Variants in TMC8 observed in about 807,000 individuals in gnomAD.
TMC8 encodes the protein transmembrane channel-like protein 8.
TMC8 carries 71 observed loss-of-function variants against 76.0 expected under a neutral mutation model. The observed-to-expected ratio is 0.93, with a 90% CI of 0.77 to 1.14. The LOEUF (loss-of-function observed/expected upper bound fraction) is 1.14, where lower values mean the gene tolerates loss of function less well. Among genes scored for constraint, TMC8 ranks in the 50% most tolerant of loss-of-function variants. The probability of loss-of-function intolerance (pLI) is 0.00; values close to 1 mark genes in which losing one functional copy is unlikely to be tolerated. For missense variants in TMC8, 924 were observed against 947.9 expected, an observed-to-expected ratio of 0.97 and a Z score of 0.33; for synonymous variants, 433 against 433.8, an observed-to-expected ratio of 1.00 and a Z score of 0.02.
At chr17:78,132,929 C>G in intron 5 of TMC8, 59 bp downstream of exon 5, 1 of 1,578,562 alleles carries the variant, frequency 6.3e-7, no homozygotes, top group Non-Finnish European at 8.7e-7. Flanking sequence ...GAACTGGCTT[C>G]AGGGGACACA....
Position 78,131,965 on chromosome 17 carries a change from G to A in TMC8, c.233G>A (p.Arg78Gln), listed in dbSNP as rs955978383. The change falls in exon 3 of 16, where the codon CGG (arginine) becomes CAG (glutamine). Residue 78 changes from arginine (R) to glutamine (Q), a missense_variant. Physicochemically the swap from Arg to Gln is conservative, Grantham distance 43. Transcript: ENST00000318430. The part of the protein sequence containing the change: ...RRRQTVERRL[R>Q]EAAQRLARGL... ...CGGCAGACGGTGGAAAGGCGCCTGC[G>A]GGAGGCAGCGCAGCGGCTGGCCCGG... The A allele has an allele frequency of 2.0e-6, 3 of 1,520,814 alleles. No homozygotes were observed. Among genetic ancestry groups the A allele is most frequent in the African/African-American group, 2.8e-5 (2 of 71,834 alleles). 94.2% of individuals were successfully genotyped at this position (1,520,814 alleles called of 1,614,324 possible).
chr17:78,140,474 G>A (rs1430293271), intron 15 of TMC8, among the ~76,000 whole-genome samples: 1 of 150,872 alleles, frequency 6.6e-6, no homozygotes, highest in Non-Finnish European at 1.5e-5. Context: ...GACTCTTAGC[G>A]GGCGTGGTCT....
In TMC8 at chr17:78,137,869, G is replaced by A. The variant is rs1197949486; in HGVS notation, c.1349+55G>A. ...GCGGGGGTGCCGCGAGCATGTTGGG[G>A]GTGGCCAGTGGCTACAGCCAAGGGT... On this transcript the variant is annotated intron_variant, in intron 11 of 15. Transcript: ENST00000318430. 2.5e-6 allele frequency: 4 copies of A among 1,600,332 alleles called. No homozygotes were observed. The East Asian group carries it at 8.9e-5, about 36-fold the overall frequency.
In TMC8 at chr17:78,135,947, G is replaced by A. The variant is rs143864607; in HGVS notation, c.1127+938G>A. On this transcript the variant is annotated intron_variant, in intron 9 of 15. Transcript: ENST00000318430. ...TGCACACCTGTAATCCCAGCTACCC[G>A]GGAAGCTGAGGCAGGAGAATCACTC... Among the ~76,000 whole-genome samples the A allele has an allele frequency of 9.9e-5, 15 of 152,206 alleles. No individual in the cohort carries two copies. In the East Asian group the frequency reaches 1.9e-3, roughly 20 times the overall value.
chr17:78,136,888 C>A (rs2075246815), intron 9 of TMC8: 1 of 349,074 alleles, frequency 2.9e-6, no homozygotes, highest in Non-Finnish European at 5.6e-6. Flanking sequence ...ATGGCGAAAC[C>A]CTGTCTGTAC....
intron 9 of TMC8, among the ~76,000 whole-genome samples, chr17:78,135,700 A>G (rs2075208041): frequency 6.6e-6 from 1 of 152,038 alleles, no homozygotes; most frequent in Admixed American, 6.6e-5. Flanking sequence ...CTCAGTCACC[A>G]CTTGCCCTAA....
At position 78,132,416 on chromosome 17, in the gene TMC8, T is replaced by C; in HGVS notation, c.356T>C (p.Leu119Pro). The C allele has an allele frequency of 6.2e-7, 1 of 1,612,968 alleles. No homozygotes were observed. Among genetic ancestry groups the C allele is most frequent in the Non-Finnish European group, 8.5e-7 (1 of 1,179,698 alleles). ...YFTFLRFLLL[L>P]NLLSLLLTAS... ...ACCTTCCTCCGCTTCCTGCTGCTAC[T>C]CAACCTGCTGAGCCTGCTGCTCACC... Residue 119 changes from leucine to proline, a missense_variant, in exon 4 of 16, where the codon CTC (leucine) becomes CCC (proline). Transcript: ENST00000318430.
At position 78,133,496 on chromosome 17, in the gene TMC8, A is replaced by G. The variant is rs1158371368; in HGVS notation, c.622A>G (p.Ser208Gly). The change falls in exon 6 of 16, where the codon AGC becomes GGC. Residue 208 changes from serine to glycine, a missense_variant. Transcript: ENST00000318430. ...VYSIRLAYLL[S>G]PLACLLLCFC... ...CAGCATCCGCCTGGCCTACCTCCTC[A>G]GCCCGCTGGCCTGCCTGCTCCTCTG... 1 of 1,613,562 alleles carries G rather than the reference A, an allele frequency of 6.2e-7. No homozygotes were observed.
rs746193490 is a variant in TMC8, at chr17:78,141,016, C to A, written c.2085C>A (p.Val695=). 5.2e-5 allele frequency: 83 copies of A among 1,599,372 alleles called. No homozygotes were observed. The highest frequency in any genetic ancestry group is 6.5e-5 in the Non-Finnish European group (76 of 1,174,344). The change falls in exon 16 of 16, where the codon GTC becomes GTA. Residue 695 remains valine (V), a synonymous_variant. Coordinates refer to ENST00000318430, the MANE Select transcript of TMC8 (RefSeq NM_152468.5). The part of the protein sequence containing the change: ...GHQAPRPGPS[V]VDAAGLRSPC... ...AGGCCCCGCGGCCGGGCCCCTCCGTCGTGGATGCCGCGGGACTGCGTTCCC... is the reference window on the plus strand; with the variant it reads ...AGGCCCCGCGGCCGGGCCCCTCCGTAGTGGATGCCGCGGGACTGCGTTCCC...
At chr17:78,132,531 G>A (rs572214532) in intron 4 of TMC8, 23 bp downstream of exon 4, 2 of 1,601,416 alleles carry the variant, frequency 1.2e-6, no homozygotes, top group Non-Finnish European at 1.7e-6. Context: ...CCCACCAGGG[G>A]AAGTGCTCCG....
In TMC8 at chr17:78,141,146, G is replaced by GC; in HGVS notation, c.*38dup. 4 of 1,507,412 alleles carry GC rather than the reference G, an allele frequency of 2.7e-6. No homozygotes were observed. The highest frequency in any genetic ancestry group is 3.5e-6 in the Non-Finnish European group (4 of 1,135,816). The allele number at this position is 1,507,412 out of a possible 1,614,324, so 93.4% of individuals were successfully genotyped here. ...CCTGCCTCCCCGAAGCCTCCCTGGG[G>GC]CCCCTTCAGGCCTCCTTACTCCATC... On this transcript the variant is annotated 3_prime_UTR_variant, in exon 16 of 16. Coordinates refer to ENST00000318430, the MANE Select transcript of TMC8 (RefSeq NM_152468.5).
At chr17:78,139,064 A>G in intron 14 of TMC8, 98 bp from the exon 15 acceptor site, 3 of 1,579,126 alleles carry the variant, frequency 1.9e-6, no homozygotes, top group Non-Finnish European at 2.6e-6. Flanking sequence ...AGACCCCAGT[A>G]CCGCGTATTG....
Position 78,137,334 on chromosome 17 carries a change from C to T in TMC8, c.1227C>T (p.Tyr409=), listed in dbSNP as rs139428432. The change falls in exon 10 of 16, where the codon TAC becomes TAT. Residue 409 remains tyrosine (Y), a synonymous_variant. Coordinates refer to ENST00000318430, the MANE Select transcript of TMC8 (RefSeq NM_152468.5). ...IGRDKSSCES[Y]GYNVCDYQCW... is the part of the protein sequence containing the mutation. ...GAGACAAGAGCAGCTGTGAGTCCTA[C>T]GGCTACAACGTTTGTGACTATCAGG... 6.8e-6 allele frequency: 11 copies of T among 1,613,890 alleles called. No homozygotes were observed. Among genetic ancestry groups the T allele is most frequent in the African/African-American group, 4.0e-5 (3 of 74,932 alleles).
Position 78,141,291 on chromosome 17 carries a change from A to G in TMC8, c.*179A>G, listed in dbSNP as rs1325738712. 4.9e-6 allele frequency: 2 copies of G among 412,264 alleles called. No homozygotes were observed. Among genetic ancestry groups the G allele is most frequent in the Admixed American group, 4.3e-5 (1 of 23,486 alleles). The allele number at this position is 412,264 out of a possible 1,614,324, so 25.5% of individuals were successfully genotyped here. A position where few individuals can be genotyped will look rare whatever the true frequency, so the allele number is the denominator to read the frequency against. Reference sequence around the variant, plus strand: ...AAAAACATATGGGAATTTTCTTTCTATATTTTAATCTCATCCCTTTAAAAT... The same window carrying G: ...AAAAACATATGGGAATTTTCTTTCTGTATTTTAATCTCATCCCTTTAAAAT... On this transcript the variant is annotated 3_prime_UTR_variant, in exon 16 of 16. Transcript: ENST00000318430.
chr17:78,131,358 A>G lies in TMC8; in HGVS notation c.-231A>G. 1 of 617,806 alleles carries G rather than the reference A, an allele frequency of 1.6e-6. No homozygotes were observed. The highest frequency in any genetic ancestry group is 1.9e-5 in the South Asian group (1 of 51,586). The allele number at this position is 617,806 out of a possible 1,614,324, so 38.3% of individuals were successfully genotyped here. ...TGGGCCCGAATTCGACCGCAGCAGG[A>G]TTCTCTCTCATTTCTGAGCCCCGGA... On this transcript the variant is annotated 5_prime_UTR_variant, in exon 2 of 16. Transcript: ENST00000318430.
Position 78,138,383 on chromosome 17 carries a change from G to C in TMC8, c.1568G>C (p.Arg523Pro), listed in dbSNP as rs756911102. 3 of 1,611,596 alleles carry C rather than the reference G, an allele frequency of 1.9e-6. No individual in the cohort carries two copies. Among genetic ancestry groups the C allele is most frequent in the East Asian group, 4.5e-5 (2 of 44,906 alleles). The change falls in exon 13 of 16, where the codon CGG becomes CCG. Residue 523 changes from arginine (R) to proline (P), a missense_variant. By Grantham distance (103) the Arg-to-Pro change is moderately radical. Transcript: ENST00000318430. ...CTGAAGAACTCCAGGGCATCTTCGC[G>C]GCCCTTCCGTGCCTCCAGCTCCACC... is the stretch of plus-strand genomic sequence containing the variant. ...TLLKNSRASS[R>P]PFRASSSTFF...
At position 78,138,555 on chromosome 17, in the gene TMC8, C is replaced by A. The variant is rs199867961; in HGVS notation, c.1665-19C>A. 4 of 1,613,776 alleles carry A rather than the reference C, an allele frequency of 2.5e-6. No homozygotes were observed. In the Admixed American group the frequency reaches 6.7e-5, roughly 27 times the overall value. ...ACCCAGGACCCTGATGCCAGCCCCA[C>A]TTGGCCATCTCTCGCCAGCATCCAC... On this transcript the variant is annotated intron_variant, in intron 13 of 15. Coordinates refer to ENST00000318430, the MANE Select transcript of TMC8 (RefSeq NM_152468.5).
intron 5 of TMC8, 76 bp downstream of exon 5, chr17:78,132,946 A>G (rs952394863): frequency 6.6e-7 from 1 of 1,504,952 alleles, no homozygotes; most frequent in Non-Finnish European, 9.3e-7. Context: ...CACAAGTCTA[A>G]GAGGACCTCT....
chr17:78,132,367 G>T lies in TMC8; in HGVS notation c.307G>T (p.Gly103Cys), dbSNP rs755470929. 2 of 1,612,922 alleles carry T rather than the reference G, an allele frequency of 1.2e-6. No homozygotes were observed. The highest frequency in any genetic ancestry group is 1.1e-5 in the South Asian group (1 of 91,014). ...CTGCTCTCCCACTGCAGGCCTCTTC[G>T]GCACAGGAATTCGGTCCTACTTCAC... Reference protein sequence around the residue: ...GALYEIGGLFGTGIRSYFTFL... With the variant: ...GALYEIGGLFCTGIRSYFTFL... Residue 103 changes from glycine (G) to cysteine (C), a missense_variant, in exon 4 of 16, where the codon GGC becomes TGC. By Grantham distance (159) the Gly-to-Cys change is radical (BLOSUM62 -3). Coordinates refer to ENST00000318430, the MANE Select transcript of TMC8 (RefSeq NM_152468.5).
Sources: gnomAD v4.1 joint callset for allele counts (sites outside exome capture counted in the v4.1 genomes callset) on GRCh38, gnomAD v4.1.1 for gene constraint, MANE v1.5 for transcripts, NCBI Gene and HGNC (gene_info 2026-07-23, HGNC 2026-07-21) for gene names.